The following ARRDC5 variants were observed in gnomAD, a reference collection of about 807,000 sequenced individuals.
ARRDC5 encodes arrestin domain containing 5.
In ARRDC5, 12 loss-of-function variants were observed where a neutral mutation model predicts 13.3. The ratio of observed to expected loss-of-function variants is 0.90; its 90% CI spans 0.58 to 1.46. The LOEUF is 1.46. Ranked by LOEUF, ARRDC5 falls within the 40% of genes most tolerant of loss-of-function variation. The pLI is 0.00. For synonymous variants in ARRDC5, 181 were observed against 173.4 expected (o/e 1.04, Z -0.34); for missense variants, 406 against 418.7 (o/e 0.97, Z 0.26).
At chr19:4,899,433 C>A (rs1056526749) in intron 1 of ARRDC5, among the ~76,000 whole-genome samples, 1 of 151,024 alleles carries the variant, frequency 6.6e-6, no homozygotes, top group Non-Finnish European at 1.5e-5. Flanking sequence ...AAGTTTGAGA[C>A]CAGCCTGGCC....
chr19:4,905,973 T>G (rs2032057190), upstream of ARRDC5, among the ~76,000 whole-genome samples: 1 of 152,184 alleles, frequency 6.6e-6, no homozygotes, highest in African/African-American at 2.4e-5. Context: ...ATGATTAACT[T>G]GAGCAATTAT....
intron 2 of ARRDC5, among the ~76,000 whole-genome samples, chr19:4,893,278 G>A (rs1017515451): frequency 1.4e-5 from 2 of 145,038 alleles, no homozygotes; most frequent in African/African-American, 5.1e-5. Flanking sequence ...GGCCGAGGCA[G>A]GAGGATCACC....
At chr19:4,900,148 T>C (rs1474638913) in intron 1 of ARRDC5, among the ~76,000 whole-genome samples, 1,955 of 118,916 alleles carry the variant, frequency 0.016, 39 homozygotes, top group South Asian at 0.039. Context: ...TCTTTCTTTT[T>C]TTTTTTTTTT....
upstream of ARRDC5, among the ~76,000 whole-genome samples, chr19:4,904,185 G>GT (rs534038745): frequency 0.018 from 2,565 of 142,786 alleles, 66 homozygotes; most frequent in African/African-American, 0.062. Flanking sequence ...TTTTGTTTTT[G>GT]TTTTTTTTTT....
the ARRDC5 span, chr19:4,910,719 C>A: frequency 1.3e-6 from 1 of 756,804 alleles, no homozygotes; most frequent in Non-Finnish European, 2.0e-6. Flanking sequence ...GTGTCTGGTC[C>A]TGGCCAGGGT....
chr19:4,896,401 C>T (rs375471687), intron 2 of ARRDC5, among the ~76,000 whole-genome samples: 1,850 of 98,754 alleles, frequency 0.019, 21 homozygotes, highest in Middle Eastern at 0.053. Context: ...CACACACACA[C>T]ACACATATAT....
At chr19:4,910,964 G>A in the ARRDC5 span, 1 of 1,613,392 alleles carries the variant, frequency 6.2e-7, no homozygotes, top group South Asian at 1.1e-5. Context: ...CAAGGTGGAG[G>A]AGCTGAGGCG....
intron 2 of ARRDC5, among the ~76,000 whole-genome samples, chr19:4,896,327 AAAATATAT>A (rs1297466699): frequency 1.4e-5 from 1 of 70,156 alleles, no homozygotes; most frequent in Non-Finnish European, 2.6e-5. Context: ...AAAAAAAAAA[AAAATATAT>A]ATATATATAT....
At chr19:4,897,522 T>A (rs192603002) in intron 1 of ARRDC5, among the ~76,000 whole-genome samples, 2 of 152,222 alleles carry the variant, frequency 1.3e-5, no homozygotes, top group Non-Finnish European at 2.9e-5. Context: ...TATATCTTTT[T>A]TTTTCTTTTT....
intron 1 of ARRDC5, among the ~76,000 whole-genome samples, chr19:4,899,756 C>G (rs1251321868): frequency 8.3e-6 from 1 of 119,898 alleles, no homozygotes; most frequent in East Asian, 2.4e-4. Context: ...GGTGAAACCC[C>G]GTCTCTACAA....
intron 1 of ARRDC5, 67 bp downstream of exon 1, chr19:4,902,506 G>A (rs187996366): frequency 2.4e-5 from 36 of 1,471,470 alleles, no homozygotes; most frequent in East Asian, 4.5e-5. Flanking sequence ...ATTGACTCTC[G>A]GATGTGTTTA....
chr19:4,897,998 G>C (rs1293624804), intron 1 of ARRDC5, among the ~76,000 whole-genome samples: 1 of 152,124 alleles, frequency 6.6e-6, no homozygotes, highest in Non-Finnish European at 1.5e-5. Flanking sequence ...GAGGTGGGAG[G>C]ATAGCTTGAA....
At chr19:4,908,939 C>T in the ARRDC5 span, among the ~76,000 whole-genome samples, 1 of 151,988 alleles carries the variant, frequency 6.6e-6, no homozygotes, top group African/African-American at 2.4e-5. Context: ...CAGCCCTGCC[C>T]GCCTGGACAG....
the ARRDC5 span, among the ~76,000 whole-genome samples, chr19:4,913,536 T>G: frequency 1.3e-5 from 2 of 152,068 alleles, no homozygotes; most frequent in Non-Finnish European, 2.9e-5. Context: ...ATTACAGGTG[T>G]GAACCACTGC....
intron 1 of ARRDC5, among the ~76,000 whole-genome samples, chr19:4,899,018 G>GA (rs1311781088): frequency 6.6e-6 from 1 of 151,818 alleles, no homozygotes; most frequent in African/African-American, 2.4e-5. Context: ...TTAAATAAAT[G>GA]AAAAACCTGG....
the ARRDC5 span, chr19:4,910,829 G>C: frequency 1.3e-6 from 2 of 1,558,286 alleles, no homozygotes; most frequent in Non-Finnish European, 1.7e-6. Flanking sequence ...GCATGGCTCA[G>C]AGGTGCTGGT....
Position 4,894,695 on chromosome 19 carries a change from AG to A in ARRDC5, c.459+1975del, listed in dbSNP as rs1317847006. 4.4e-3 allele frequency among the ~76,000 whole-genome samples: 365 copies of A among 83,780 alleles called. 2 individuals carry two copies. Among genetic ancestry groups the A allele is most frequent in the Middle Eastern group, 0.018 (2 of 110 alleles). 55.0% of individuals were successfully genotyped at this position (83,780 alleles called of 152,430 possible). ...TGAGACTGTCTCAAAAAAAAAAAAA[AG>A]AAGAAGAAGGAGAAGGAGAAGGAGA... is the stretch of plus-strand genomic sequence containing the variant. On this transcript the variant is annotated intron_variant, in intron 2 of 2. Coordinates refer to ENST00000650722, the MANE Select transcript of ARRDC5 (RefSeq NM_001080523.3).
rs1568395041 is a variant in ARRDC5, at chr19:4,894,836, C to T, written c.459+1835G>A. Among the ~76,000 whole-genome samples, 11 of 152,244 alleles carry T rather than the reference C, an allele frequency of 7.2e-5. No individual in the cohort carries two copies. In the South Asian group the frequency reaches 2.3e-3, roughly 32 times the overall value. On this transcript the variant is annotated intron_variant, in intron 2 of 2. Coordinates refer to ENST00000650722, the MANE Select transcript of ARRDC5 (RefSeq NM_001080523.3). The stretch of plus-strand genomic sequence containing the variant: ...AGAACTCAGGCAGACCCTTGACCCC[C>T]TCTGACCTCACCTCCCACTTTTCTG...
chr19:4,910,132 G>A, the ARRDC5 span: 1 of 152,118 alleles, frequency 6.6e-6, no homozygotes, highest in Admixed American at 6.6e-5. Flanking sequence ...AGTCCCGGCG[G>A]CGGGGGTGGG....
Sources: gnomAD v4.1 joint callset for allele counts (sites outside exome capture counted in the v4.1 genomes callset) on GRCh38, gnomAD v4.1.1 for gene constraint, MANE v1.5 for transcripts, NCBI Gene and HGNC (gene_info 2026-07-23, HGNC 2026-07-21) for gene names.